Variants in CLDN2 observed in about 807,000 individuals in gnomAD.
The protein encoded by CLDN2 is claudin 2.
In CLDN2, 1 loss-of-function variant was observed where a neutral mutation model predicts 8.2. The observed-to-expected ratio is 0.12, with a 90% CI of 0.04 to 0.58. The LOEUF (loss-of-function observed/expected upper bound fraction) is 0.58, where lower values mean the gene tolerates loss of function less well. Ranked by LOEUF, CLDN2 falls within the 20% of genes least tolerant of loss-of-function variation. The probability of loss-of-function intolerance (pLI) is 0.90; values close to 1 mark genes in which losing one functional copy is unlikely to be tolerated. For synonymous variants in CLDN2, 70 were observed against 70.2 expected, an observed-to-expected ratio of 1.00 and a Z score of 0.01; for missense variants, 108 against 172.9, an observed-to-expected ratio of 0.62 and a Z score of 2.11.
upstream of CLDN2, among the ~76,000 whole-genome samples, chrX:106,914,235 G>A (rs1468478995): frequency 9.0e-6 from 1 of 110,843 alleles, no homozygotes; most frequent in East Asian, 2.8e-4. Flanking sequence ...ACAGGTGTGA[G>A]CCACCGCACC....
chrX:106,911,114 A>G (rs762045454), intron 1 of CLDN2, among the ~76,000 whole-genome samples: 25 of 111,809 alleles, frequency 2.2e-4, no homozygotes, highest in Non-Finnish European at 3.9e-4. Flanking sequence ...GCCTTCCTCA[A>G]TCTTTTACCA....
At chrX:106,922,251 C>G (rs146345460) in intron 1 of CLDN2, among the ~76,000 whole-genome samples, 1,931 of 112,540 alleles carry the variant, frequency 0.017, 39 homozygotes, top group African/African-American at 0.059. Context: ...CTGAACCCCC[C>G]CTCCATGGGG....
chrX:106,917,817 C>T (rs1933332830), upstream of CLDN2, among the ~76,000 whole-genome samples: 1 of 111,436 alleles, frequency 9.0e-6, no homozygotes, highest in African/African-American at 3.3e-5. Flanking sequence ...TCTCAGACTG[C>T]TATTCTTTCC....
upstream of CLDN2, among the ~76,000 whole-genome samples, chrX:106,915,743 A>T (rs1933302973): frequency 9.0e-6 from 1 of 110,560 alleles, no homozygotes; most frequent in Admixed American, 9.7e-5. Flanking sequence ...TTCCTCCCAG[A>T]CATGTCTTCA....
intron 1 of CLDN2, among the ~76,000 whole-genome samples, chrX:106,924,004 A>G (rs1933431679): frequency 8.9e-6 from 1 of 111,839 alleles, no homozygotes; most frequent in South Asian, 3.8e-4. Flanking sequence ...AGTAGTTAAA[A>G]TGGAGTGGTG....
intron 1 of CLDN2, among the ~76,000 whole-genome samples, chrX:106,911,572 T>G (rs1481770545): frequency 8.9e-6 from 1 of 111,779 alleles, no homozygotes; most frequent in Non-Finnish European, 1.9e-5. Flanking sequence ...GAATCCACAC[T>G]GACTGCAGGA....
rs986852663 is a variant in CLDN2 at position 106,929,546 on chromosome X, G to A, written c.*625G>A. On this transcript the variant is annotated 3_prime_UTR_variant, in exon 2 of 2. Transcript: ENST00000336803. ...GAACAGAAAGCAGGATGCAGGATGGGAGGACAGGAAGGCAGCCTGGGACAT... is the reference window on the plus strand; with the variant it reads ...GAACAGAAAGCAGGATGCAGGATGGAAGGACAGGAAGGCAGCCTGGGACAT... The A allele has an allele frequency of 2.4e-5, 3 of 122,639 alleles. No individual in the cohort carries two copies. The highest frequency in any genetic ancestry group is 5.6e-5 in the Non-Finnish European group (3 of 53,222). 10.1% of individuals were successfully genotyped at this position (122,639 alleles called of 1,213,427 possible).
chrX:106,910,616 C>T (rs1234304206), intron 1 of CLDN2, among the ~76,000 whole-genome samples: 3 of 109,370 alleles, frequency 2.7e-5, no homozygotes, highest in Non-Finnish European at 5.7e-5. Flanking sequence ...GAGGCTGAAG[C>T]AGGAGAATCG....
chrX:106,900,757 C>G, intron 1 of CLDN2: 2 of 1,208,381 alleles, frequency 1.7e-6, no homozygotes, highest in Non-Finnish European at 2.2e-6. Context: ...TCCTACTTCT[C>G]TTCTTCATCC....
chrX:106,917,285 G>A (rs1933323232), upstream of CLDN2, among the ~76,000 whole-genome samples: 2 of 112,309 alleles, frequency 1.8e-5, no homozygotes, highest in African/African-American at 6.5e-5. Flanking sequence ...CAGAGGCAGA[G>A]GTACCAATGA....
upstream of CLDN2, among the ~76,000 whole-genome samples, chrX:106,918,701 A>G (rs755938708): frequency 1.8e-5 from 2 of 112,105 alleles, no homozygotes; most frequent in Non-Finnish European, 3.8e-5. Flanking sequence ...GGCACCTAGC[A>G]AGTGTTCAAT....
chrX:106,927,958 C>T, intron 1 of CLDN2, 93 bp from the exon 2 acceptor site: 1 of 226,344 alleles, frequency 4.4e-6, no homozygotes, highest in African/African-American at 2.9e-5. Flanking sequence ...TGTGTTATTT[C>T]TAAAGATAAC....
At chrX:106,907,702 A>AAAT (rs200946606) in intron 1 of CLDN2, among the ~76,000 whole-genome samples, 6,232 of 95,310 alleles carry the variant, frequency 0.065, 192 homozygotes, top group Middle Eastern at 0.1. Flanking sequence ...CTCCGTCTCA[A>AAAT]AATAATAATA....
In CLDN2 at chrX:106,928,315, C is replaced by T. The variant is rs141147283; in HGVS notation, c.87C>T (p.Ser29=). The change falls in exon 2 of 2, where the codon AGC becomes AGT. Residue 29 remains serine, a synonymous_variant. Coordinates refer to ENST00000336803, the MANE Select transcript of CLDN2 (RefSeq NM_020384.4). ...LGTLVAMLLP[S]WKTSSYVGAS... is the part of the protein sequence containing the mutation. ...CACTGGTTGCCATGCTGCTCCCCAG[C>T]TGGAAAACAAGTTCTTATGTCGGTG... The T allele has an allele frequency of 1.4e-4, 168 of 1,210,588 alleles. No individual in the cohort carries two copies. The highest frequency in any genetic ancestry group is 1.8e-4 in the Non-Finnish European group (157 of 895,231).
chrX:106,915,892 A>G (rs901524065), upstream of CLDN2, among the ~76,000 whole-genome samples: 2 of 110,383 alleles, frequency 1.8e-5, no homozygotes, highest in Admixed American at 9.8e-5. Context: ...TCTTACCACA[A>G]TCTCTTCTCA....
intron 1 of CLDN2, among the ~76,000 whole-genome samples, chrX:106,903,883 A>G (rs1402475599): frequency 8.9e-6 from 1 of 112,343 alleles, no homozygotes; most frequent in African/African-American, 3.2e-5. Flanking sequence ...GCAGGCCCAG[A>G]TGCTTGTTGG....
upstream of CLDN2, among the ~76,000 whole-genome samples, chrX:106,916,356 G>A (rs1020823308): frequency 9.9e-5 from 11 of 111,321 alleles, no homozygotes; most frequent in African/African-American, 3.6e-4. Flanking sequence ...CTAGAGGGAA[G>A]GGAGAGCATT....
At chrX:106,924,298 G>A (rs1602461321) in intron 1 of CLDN2, among the ~76,000 whole-genome samples, 1 of 110,564 alleles carries the variant, frequency 9.0e-6, no homozygotes, top group South Asian at 3.9e-4. Flanking sequence ...GTAGAGTAGG[G>A]AGCTCAAAAA....
At chrX:106,916,858 T>G (rs1048657076), upstream of CLDN2, among the ~76,000 whole-genome samples, 3 of 111,502 alleles carry the variant, frequency 2.7e-5, no homozygotes, top group African/African-American at 9.8e-5. Context: ...GACTAACCTG[T>G]GCAATATAGT....
Sources: allele counts gnomAD v4.1 joint callset (sites outside exome capture counted in the v4.1 genomes callset), GRCh38; gene constraint gnomAD v4.1.1; transcripts MANE v1.5; gene names NCBI Gene and HGNC (gene_info 2026-07-23, HGNC 2026-07-21).